SLC35D2: variants seen among roughly 807,000 people sequenced by gnomAD.
The protein encoded by SLC35D2 is solute carrier family 35 member D2, also known as nucleotide sugar transporter SLC35D2.
Under a neutral mutation model 41.8 loss-of-function variants are expected in SLC35D2, and 43 were observed. The ratio of observed to expected loss-of-function variants is 1.03; its 90% confidence interval spans 0.81 to 1.33. The LOEUF (loss-of-function observed/expected upper bound fraction) is 1.33, where lower values mean the gene tolerates loss of function less well. SLC35D2 is among the 40% of genes most tolerant of loss of function. SLC35D2 has a pLI of 0.00. For synonymous variants in SLC35D2, 150 were observed against 163.9 expected, an observed-to-expected ratio of 0.92 and a Z score of 0.65; for missense variants, 380 against 408.4, an observed-to-expected ratio of 0.93 and a Z score of 0.60.
At chr9:96,369,723 C>A (rs1830605687) in intron 1 of SLC35D2, among the ~76,000 whole-genome samples, 1 of 152,132 alleles carries the variant, frequency 6.6e-6, no homozygotes, top group Admixed American at 6.6e-5. Flanking sequence ...ATGCAGACTT[C>A]TGACCCCTAC....
chr9:96,327,267 T>C (rs12682755), intron 9 of SLC35D2, among the ~76,000 whole-genome samples: 20,302 of 152,234 alleles, frequency 0.13, 1,810 homozygotes, highest in East Asian at 0.29. Context: ...GGGAACCTCA[T>C]CTCTTGACAA....
At chr9:96,373,195 G>A (rs969886035) in intron 1 of SLC35D2, among the ~76,000 whole-genome samples, 8 of 151,750 alleles carry the variant, frequency 5.3e-5, no homozygotes, top group Non-Finnish European at 1.2e-4. Flanking sequence ...CATCACCCCC[G>A]GCCCAATAAT....
chr9:96,323,027 T>C (rs1828328737), intron 10 of SLC35D2, among the ~76,000 whole-genome samples: 4 of 151,206 alleles, frequency 2.6e-5, no homozygotes, highest in Non-Finnish European at 3.0e-5. Flanking sequence ...TTTTTCTTTT[T>C]TTTTTTTTTT....
At chr9:96,372,479 A>C (rs559454122) in intron 1 of SLC35D2, among the ~76,000 whole-genome samples, 46 of 152,236 alleles carry the variant, frequency 3.0e-4, no homozygotes, top group African/African-American at 1.1e-3. Context: ...AGAAGAAAAG[A>C]AACTTTTTAT....
At chr9:96,364,710 C>T (rs559172000) in intron 2 of SLC35D2, among the ~76,000 whole-genome samples, 160 bp from the exon 3 acceptor site, 54 of 152,040 alleles carry the variant, frequency 3.6e-4, no homozygotes, top group Non-Finnish European at 7.4e-4. Context: ...AGAATATTAA[C>T]ATTGTTTTCC....
rs1463745849 is a variant in SLC35D2, at chr9:96,325,874, C to G, written c.753-1705G>C. ...TCAAATCTCTGGTGAAGATCACAGT[C>G]ACAAACCTTCAACACGATAACCTCT... On this transcript the variant is annotated intron_variant, in intron 9 of 11. Transcript: ENST00000253270. Among the ~76,000 whole-genome samples, 7 of 152,166 alleles carry G rather than the reference C, an allele frequency of 4.6e-5. 1 individual carries two copies. Among genetic ancestry groups the G allele is most frequent in the African/African-American group, 1.7e-4 (7 of 41,444 alleles).
chr9:96,362,869 TG>T (rs1308103600), intron 3 of SLC35D2, among the ~76,000 whole-genome samples: 5 of 149,984 alleles, frequency 3.3e-5, no homozygotes, highest in African/African-American at 5.0e-5. Context: ...GTCCCTGTTT[TG>T]TTTTTTTTTT....
chr9:96,343,409 G>A lies in SLC35D2; in HGVS notation c.684+495C>T, dbSNP rs73536823. Reference sequence around the variant, plus strand: ...TTAAAATACTCCAGAGGAACAAAAAGCTGGGGATGGATGAGGACAGATAAA... The same window carrying A: ...TTAAAATACTCCAGAGGAACAAAAAACTGGGGATGGATGAGGACAGATAAA... On this transcript the variant is annotated intron_variant, in intron 8 of 11. Coordinates refer to ENST00000253270, the MANE Select transcript of SLC35D2 (RefSeq NM_007001.3). Among the ~76,000 whole-genome samples, 378 of 152,336 alleles carry A rather than the reference G, an allele frequency of 2.5e-3. 1 individual carries two copies. Among genetic ancestry groups the A allele is most frequent in the African/African-American group, 8.5e-3 (353 of 41,570 alleles).
At chr9:96,333,188 C>A (rs1288533090) in intron 9 of SLC35D2, among the ~76,000 whole-genome samples, 6 of 150,808 alleles carry the variant, frequency 4.0e-5, no homozygotes, top group African/African-American at 1.5e-4. Context: ...TGAGCCACTG[C>A]GCCTGGCCTG....
intron 8 of SLC35D2, among the ~76,000 whole-genome samples, chr9:96,341,712 C>T (rs111247242): frequency 2.0e-5 from 3 of 152,142 alleles, no homozygotes; most frequent in Admixed American, 6.5e-5. Flanking sequence ...AAACACCATG[C>T]TACAAGTTTA....
chr9:96,382,466 TACACACACACACAC>T (rs35402465), intron 1 of SLC35D2, among the ~76,000 whole-genome samples: 6 of 133,040 alleles, frequency 4.5e-5, no homozygotes, highest in South Asian at 2.5e-4. Context: ...AAAAATATTA[TACACACACACACAC>T]ACACACACAC....
At chr9:96,374,697 GCGT>G (rs1830863583) in intron 1 of SLC35D2, among the ~76,000 whole-genome samples, 2 of 150,950 alleles carry the variant, frequency 1.3e-5, no homozygotes. Flanking sequence ...AATTAGCCGA[GCGT>G]GGTGGCAGGC....
chr9:96,351,987 A>C (rs769747294), intron 5 of SLC35D2, 51 bp downstream of exon 5: 7 of 1,201,374 alleles, frequency 5.8e-6, no homozygotes, highest in East Asian at 2.4e-5. Flanking sequence ...GGGTAAAAGA[A>C]ATGCAGTGGG....
intron 6 of SLC35D2, among the ~76,000 whole-genome samples, chr9:96,350,346 C>CTTTTTTTTTTTTTTT (rs1564107383): frequency 7.7e-6 from 1 of 130,534 alleles, no homozygotes; most frequent in African/African-American, 3.3e-5. Flanking sequence ...AATTTTCTTT[C>CTTTTTTTTTTTTTTT]CTTTTTTTTT....
rs200653049 is a variant in SLC35D2, at chr9:96,321,194, C to A, written c.*48G>T. Reference sequence around the variant, plus strand: ...GCTTCACATTCCTACTGGGAATGCCCCCCCAGCCCGCAGTCACAAGTCAGT... The same window carrying A: ...GCTTCACATTCCTACTGGGAATGCCACCCCAGCCCGCAGTCACAAGTCAGT... On this transcript the variant is annotated 3_prime_UTR_variant, in exon 12 of 12. Coordinates refer to ENST00000253270, the MANE Select transcript of SLC35D2 (RefSeq NM_007001.3). The A allele has an allele frequency of 7.1e-7, 1 of 1,414,390 alleles. No individual in the cohort carries two copies. Among genetic ancestry groups the A allele is most frequent in the African/African-American group, 1.4e-5 (1 of 70,850 alleles). The allele number at this position is 1,414,390 out of a possible 1,614,324, so 87.6% of individuals were successfully genotyped here. A position where few individuals can be genotyped will look rare whatever the true frequency, so the allele number is the denominator to read the frequency against.
At chr9:96,376,104 A>G (rs1419976960) in intron 1 of SLC35D2, among the ~76,000 whole-genome samples, 4 of 143,054 alleles carry the variant, frequency 2.8e-5, no homozygotes, top group Non-Finnish European at 1.5e-5. Flanking sequence ...GACCAGCCTG[A>G]CCAACATGGT....
rs1478587532 is a variant in SLC35D2 at position 96,324,017 on chromosome 9, C to A, written c.831+74G>T. 5 of 1,349,216 alleles carry A rather than the reference C, an allele frequency of 3.7e-6. No individual in the cohort carries two copies. The East Asian group carries it at 1.2e-4, about 31-fold the overall frequency. 83.6% of individuals were successfully genotyped at this position (1,349,216 alleles called of 1,614,324 possible). A position where few individuals can be genotyped will look rare whatever the true frequency, so the allele number is the denominator to read the frequency against. Reference sequence around the variant, plus strand: ...CACCACCACCAACAACAAAATCAAACCCGGCCTCCCATGGAATATTTGGAT... The same window carrying A: ...CACCACCACCAACAACAAAATCAAAACCGGCCTCCCATGGAATATTTGGAT... On this transcript the variant is annotated intron_variant, in intron 10 of 11. Transcript: ENST00000253270.
Position 96,324,143 on chromosome 9 carries a change from A to G in SLC35D2, c.779T>C (p.Leu260Pro). The G allele has an allele frequency of 6.2e-7, 1 of 1,614,008 alleles. No individual in the cohort carries two copies. The highest frequency in any genetic ancestry group is 1.1e-5 in the South Asian group (1 of 91,064). The change falls in exon 10 of 12, where the codon CTG becomes CCG. Residue 260 changes from leucine to proline, a missense_variant. Transcript: ENST00000253270. ...LGFLLMYSTV[L>P]CSYYNSALTT... is the part of the protein sequence containing the mutation. ...CAGGGCTGAATTGTAATAGCTGCAC[A>G]GAACCGTGGAGTACATCAGCAGAAA...
chr9:96,345,321 G>A lies in SLC35D2; in HGVS notation c.569C>T (p.Thr190Ile). 1.9e-6 allele frequency: 3 copies of A among 1,608,486 alleles called. No individual in the cohort carries two copies. Among genetic ancestry groups the A allele is most frequent in the Admixed American group, 1.7e-5 (1 of 59,472 alleles). ...TACCTTTGGGTCCATTTTCTGTTTG[G>A]TATAAACTCCATTTGCTGCTGTGAA... ...DIFTAANGVY[T>I]KQKMDPKELG... The change falls in exon 7 of 12, where the codon ACC becomes ATC. Residue 190 changes from threonine (T) to isoleucine (I), a missense_variant. Thr to Ile is a moderately conservative substitution (Grantham distance 89). Transcript: ENST00000253270.
Sources: allele counts gnomAD v4.1 joint callset (sites outside exome capture counted in the v4.1 genomes callset), GRCh38; gene constraint gnomAD v4.1.1; transcripts MANE v1.5; gene names NCBI Gene and HGNC (gene_info 2026-07-23, HGNC 2026-07-21).